TP53I13: variants seen among roughly 807,000 people sequenced by gnomAD.
The protein encoded by TP53I13 is tumor protein p53-inducible protein 13.
Under a neutral mutation model 39.1 loss-of-function variants are expected in TP53I13, and 27 were observed. The observed-to-expected ratio is 0.69, with a 90% CI of 0.51 to 0.95. TP53I13 has a LOEUF of 0.95. Ranked by LOEUF, TP53I13 falls within the 40% of genes least tolerant of loss-of-function variation. The pLI, the probability that TP53I13 is intolerant of heterozygous loss-of-function variation, is 0.00. For missense variants in TP53I13, 544 were observed against 520.4 expected (o/e 1.05, Z -0.44); for synonymous variants, 230 against 224.6 (o/e 1.02, Z -0.22).
chr17:29,579,093 A>C, the TP53I13 span: 22 of 948,390 alleles, frequency 2.3e-5, no homozygotes, highest in Non-Finnish European at 3.3e-5. Flanking sequence ...ACCCATCTCC[A>C]CGCACACCCG....
chr17:29,578,442 T>C, the TP53I13 span: 5 of 1,408,478 alleles, frequency 3.5e-6, no homozygotes, highest in Non-Finnish European at 5.0e-6. Context: ...CTCCCCAGCA[T>C]GTTGTGAGCC....
intron 3 of TP53I13, 148 bp from the exon 4 acceptor site, chr17:29,571,443 G>A (rs1041997736): frequency 2.8e-6 from 3 of 1,055,626 alleles, no homozygotes; most frequent in Non-Finnish European, 4.0e-6. Context: ...CAATACCCAG[G>A]GCCCTTTGTC....
rs1360632332 is a variant in TP53I13, at chr17:29,568,732, G to T, written c.-27G>T. The T allele has an allele frequency of 6.9e-6, 10 of 1,454,696 alleles. No homozygotes were observed. Among genetic ancestry groups the T allele is most frequent in the South Asian group, 1.3e-5 (1 of 74,950 alleles). 90.1% of individuals were successfully genotyped at this position (1,454,696 alleles called of 1,614,324 possible). ...TCCCTCGCTGGCGGAGCGGCTGGGC[G>T]GCGGGCCGGGCCCGGGGCCGCTTGG... is the stretch of plus-strand genomic sequence containing the variant. On this transcript the variant is annotated 5_prime_UTR_variant, in exon 1 of 7. Transcript: ENST00000301057. The surrounding 1 kb of genome is among the most constrained non-coding windows in gnomAD (Gnocchi z 4.5).
chr17:29,581,486 G>C, the TP53I13 span: 2 of 938,892 alleles, frequency 2.1e-6, no homozygotes, highest in Non-Finnish European at 3.5e-6. This position sits in a 1 kb window ranked among gnomAD's most constrained non-coding sequence, Gnocchi z 4.8. Context: ...GAAGTGTCAG[G>C]GGAAAGTGGG....
rs773291760 is a variant in TP53I13 at position 29,572,348 on chromosome 17, T to C, written c.720T>C (p.Pro240=). 6.2e-7 allele frequency: 1 copy of C among 1,610,272 alleles called. No individual in the cohort carries two copies. Among genetic ancestry groups the C allele is most frequent in the Non-Finnish European group, 8.5e-7 (1 of 1,177,942 alleles). Residue 240 remains proline (P), a synonymous_variant, in exon 6 of 7, where the codon CCT becomes CCC. Coordinates refer to ENST00000301057, the MANE Select transcript of TP53I13 (RefSeq NM_138349.4). The part of the protein sequence containing the change: ...LKAKQSMAGI[P]GRESNAPSVP... ...CCAAGCAGTCCATGGCGGGAATCCC[T>C]GGTAGGGAGAGTAATGCCCCATCTG...
chr17:29,582,098 C>A, the TP53I13 span: 1 of 1,601,882 alleles, frequency 6.2e-7, no homozygotes, highest in Non-Finnish European at 8.5e-7. Context: ...GGAGAGCAGG[C>A]GCAGACATGT....
downstream of TP53I13, chr17:29,576,349 C>T (rs140990968): frequency 3.8e-5 from 61 of 1,613,330 alleles, no homozygotes; most frequent in East Asian, 4.9e-4. Flanking sequence ...TCCCGCCTGG[C>T]GCCATGGGTG....
intron 6 of TP53I13, 55 bp from the exon 7 acceptor site, chr17:29,572,757 C>CCCCCCGT (rs1452188140): frequency 6.7e-7 from 1 of 1,503,492 alleles, no homozygotes; most frequent in Non-Finnish European, 8.9e-7. Context: ...TCGCCCGCCG[C>CCCCCCGT]CCCCCGTAGC....
upstream of TP53I13, chr17:29,566,313 CG>C (rs1446601667): frequency 1.9e-6 from 3 of 1,611,594 alleles, no homozygotes; most frequent in Non-Finnish European, 2.5e-6. Flanking sequence ...TGTATGTGAC[CG>C]CCTCCTTGAG....
chr17:29,573,887 T>G (rs1206276335), downstream of TP53I13: 1 of 151,488 alleles, frequency 6.6e-6, no homozygotes, highest in Non-Finnish European at 1.5e-5. Flanking sequence ...GGGGCGAGAG[T>G]GGGGAGGGAT....
rs1033389704 is a variant in TP53I13, at chr17:29,569,362, G to A, written c.183+3G>A. 30 of 1,613,500 alleles carry A rather than the reference G, an allele frequency of 1.9e-5. No individual in the cohort carries two copies. The highest frequency in any genetic ancestry group is 2.3e-5 in the Non-Finnish European group (27 of 1,179,816). ...ACACACGAGTGAGCCCAGGGCAGGT[G>A]AGTACAAGCAGGGGCCCACCACCCT... On this transcript the variant is annotated splice_donor_region_variant and intron_variant, in intron 3 of 6. Transcript: ENST00000301057.
Position 29,572,964 on chromosome 17 carries a change from G to C in TP53I13, c.*40G>C. The C allele has an allele frequency of 7.4e-7, 1 of 1,355,748 alleles. No homozygotes were observed. Among genetic ancestry groups the C allele is most frequent in the Non-Finnish European group, 9.5e-7 (1 of 1,056,556 alleles). The allele number at this position is 1,355,748 out of a possible 1,614,324, so 84.0% of individuals were successfully genotyped here. On this transcript the variant is annotated 3_prime_UTR_variant, in exon 7 of 7. Transcript: ENST00000301057. ...CCACTGTGGCGTGCGGCTCCTCCCC[G>C]CGCCGCGAGGCCGCGACCTCTGCCA...
rs1399638926 is a variant in TP53I13 at position 29,571,574 on chromosome 17, CTG to C, written c.184-14_184-13del. ...GGGCTCTGGGCCTGCTTTGATGTCT[CTG>C]TGCCTTTCCTCCAGGCTGAGGATGT... On this transcript the variant is annotated splice_polypyrimidine_tract_variant and intron_variant, in intron 3 of 6. Transcript: ENST00000301057. 2.5e-6 allele frequency: 4 copies of C among 1,612,870 alleles called. No individual in the cohort carries two copies. Among genetic ancestry groups the C allele is most frequent in the Non-Finnish European group, 3.4e-6 (4 of 1,179,972 alleles).
chr17:29,578,233 G>T, the TP53I13 span: 6 of 1,301,914 alleles, frequency 4.6e-6, no homozygotes, highest in African/African-American at 7.3e-5. Flanking sequence ...GCCCAGTAAA[G>T]GACCAGAGAC....
intron 2 of TP53I13, 25 bp downstream of exon 2, chr17:29,569,111 A>G: frequency 1.3e-6 from 2 of 1,573,788 alleles, no homozygotes; most frequent in Middle Eastern, 1.7e-4. Context: ...GGGCCCAGGG[A>G]GAGAGGGATG....
chr17:29,578,642 G>C, the TP53I13 span: 2 of 1,201,290 alleles, frequency 1.7e-6, no homozygotes, highest in South Asian at 1.2e-5. Context: ...AAAGGTCATC[G>C]AGTCAGAGGC....
Position 29,572,557 on chromosome 17 carries a change from C to T in TP53I13, c.929C>T (p.Ala310Val). 2.5e-6 allele frequency: 4 copies of T among 1,602,660 alleles called. No individual in the cohort carries two copies. Among genetic ancestry groups the T allele is most frequent in the Non-Finnish European group, 3.4e-6 (4 of 1,175,404 alleles). ...GGCCCCACCCCACGCACTGAAGAGG[C>T]CGCCTGGGCTGCCATGGCCCTGACC... ...ARGPTPRTEEAAWAAMALTFL... is the reference protein window; with the variant it reads ...ARGPTPRTEEVAWAAMALTFL... The change falls in exon 6 of 7, where the codon GCC (alanine) becomes GTC (valine). Residue 310 changes from alanine (A) to valine (V), a missense_variant. Coordinates refer to ENST00000301057, the MANE Select transcript of TP53I13 (RefSeq NM_138349.4).
upstream of TP53I13, chr17:29,568,470 G>GC (rs1323446420): frequency 1.3e-5 from 2 of 152,894 alleles, no homozygotes; most frequent in African/African-American, 2.4e-5. The surrounding 1 kb of genome is among the most constrained non-coding windows in gnomAD (Gnocchi z 4.5). Flanking sequence ...GAGGAAAGGG[G>GC]CCCCCCGCCT....
downstream of TP53I13, chr17:29,576,433 C>T (rs200959780): frequency 1.4e-5 from 23 of 1,612,614 alleles, no homozygotes; most frequent in African/African-American, 1.6e-4. Context: ...GCAGGTTCTC[C>T]GCCTGCAGCT....
Sources: gnomAD v4.1 joint callset for allele counts on GRCh38, gnomAD v4.1.1 for gene constraint, Gnocchi (gnomAD v3.1) non-coding constraint, MANE v1.5 for transcripts, NCBI Gene and HGNC (gene_info 2026-07-23, HGNC 2026-07-21) for gene names.